ME3: variants seen among roughly 807,000 people sequenced by gnomAD.
The protein encoded by ME3 is NADP-dependent malic enzyme, mitochondrial.
Under a neutral mutation model 68.9 loss-of-function variants are expected in ME3, and 48 were observed. The ratio of observed to expected loss-of-function variants is 0.70; its 90% CI spans 0.55 to 0.89. The LOEUF (loss-of-function observed/expected upper bound fraction) is 0.89. ME3 is among the 40% of genes least tolerant of loss of function. The pLI, the probability that ME3 is intolerant of heterozygous loss-of-function variation, is 0.00. For missense variants in ME3, 675 were observed against 797.4 expected, an observed-to-expected ratio of 0.85 and a Z score of 1.85; for synonymous variants, 320 against 318.8, an observed-to-expected ratio of 1.00 and a Z score of -0.04.
chr11:86,471,981 C>T (rs1480446058), intron 7 of ME3, among the ~76,000 whole-genome samples: 1 of 152,168 alleles, frequency 6.6e-6, no homozygotes, highest in Non-Finnish European at 1.5e-5. Context: ...TGGGAAGCCT[C>T]AAAGAGGGCA....
At chr11:86,608,887 A>C (rs1161771411) in intron 2 of ME3, among the ~76,000 whole-genome samples, 1 of 152,200 alleles carries the variant, frequency 6.6e-6, no homozygotes, top group Non-Finnish European at 1.5e-5. Context: ...CTTCCCAGAT[A>C]TACTTACTTC....
At chr11:86,634,464 A>G (rs984143991) in intron 2 of ME3, among the ~76,000 whole-genome samples, 1 of 152,206 alleles carries the variant, frequency 6.6e-6, no homozygotes, top group Non-Finnish European at 1.5e-5. Flanking sequence ...TAATCAGATC[A>G]TGAGACTGTC....
At chr11:86,499,328 C>T (rs746024604) in intron 5 of ME3, among the ~76,000 whole-genome samples, 2 of 152,126 alleles carry the variant, frequency 1.3e-5, no homozygotes, top group Non-Finnish European at 1.5e-5. Flanking sequence ...CTCAGGGTAA[C>T]GGTGAAGTTG....
chr11:86,647,608 A>G (rs1230375125), intron 2 of ME3, among the ~76,000 whole-genome samples: 5 of 152,236 alleles, frequency 3.3e-5, no homozygotes, highest in African/African-American at 4.8e-5. Context: ...TTGCAATACT[A>G]GTCTCTGATA....
At chr11:86,623,241 T>C (rs184549691) in intron 2 of ME3, among the ~76,000 whole-genome samples, 99 of 152,242 alleles carry the variant, frequency 6.5e-4, no homozygotes, top group Non-Finnish European at 1.2e-3. Flanking sequence ...ATTGTCACTC[T>C]CCTCTTGAGC....
intron 2 of ME3, among the ~76,000 whole-genome samples, chr11:86,603,053 C>G (rs1960978344): frequency 6.6e-6 from 1 of 152,178 alleles, no homozygotes; most frequent in Non-Finnish European, 1.5e-5. Flanking sequence ...GACTTCATGT[C>G]TAAAACACCA....
chr11:86,460,515 G>A (rs1594046755), intron 8 of ME3, among the ~76,000 whole-genome samples: 1 of 152,216 alleles, frequency 6.6e-6, no homozygotes, highest in Non-Finnish European at 1.5e-5. Flanking sequence ...GTGAGGCTAG[G>A]CTGGTGTTCA....
At position 86,586,713 on chromosome 11, in the gene ME3, G is replaced by GT. The variant is rs1303367343; in HGVS notation, c.184-26891dup. On this transcript the variant is annotated intron_variant, in intron 2 of 14. Coordinates refer to ENST00000543262, the Ensembl canonical transcript of ME3. Reference sequence around the variant, plus strand: ...AACAGATTTTGTTGTGGTGGTAGCTGTTTTTTTAAATAAAAGGATGGGGGA... The same window carrying GT: ...AACAGATTTTGTTGTGGTGGTAGCTGTTTTTTTTAAATAAAAGGATGGGGGA... 1.2e-4 allele frequency among the ~76,000 whole-genome samples: 18 copies of GT among 152,214 alleles called. No individual in the cohort carries two copies. In the East Asian group the frequency reaches 1.7e-3, roughly 15 times the overall value.
intron 2 of ME3, among the ~76,000 whole-genome samples, chr11:86,657,049 A>C (rs977929750): frequency 2.0e-5 from 3 of 152,206 alleles, no homozygotes; most frequent in Non-Finnish European, 4.4e-5. Flanking sequence ...CCATTGTGGA[A>C]GACAGTGTGG....
At chr11:86,472,217 GGAGGCT>G (rs548412287) in intron 7 of ME3, among the ~76,000 whole-genome samples, 1 of 152,330 alleles carries the variant, frequency 6.6e-6, no homozygotes, top group East Asian at 1.9e-4. Flanking sequence ...TCTTGCCAGA[GGAGGCT>G]GAAGATGGGG....
intron 7 of ME3, among the ~76,000 whole-genome samples, chr11:86,473,180 C>T (rs1013214935): frequency 1.1e-4 from 16 of 139,856 alleles, no homozygotes; most frequent in Admixed American, 5.8e-4. Context: ...CCAAGGATAG[C>T]GAGCAGGTTG....
intron 2 of ME3, among the ~76,000 whole-genome samples, chr11:86,577,636 A>G (rs1594521602): frequency 6.6e-6 from 1 of 152,226 alleles, no homozygotes; most frequent in East Asian, 1.9e-4. Flanking sequence ...AGGAATCATA[A>G]CTTTTTAAAA....
chr11:86,650,611 A>T (rs1945339030), intron 2 of ME3, among the ~76,000 whole-genome samples: 1 of 152,214 alleles, frequency 6.6e-6, no homozygotes, highest in Non-Finnish European at 1.5e-5. Flanking sequence ...CAAATTTACA[A>T]TGGGAAGTCA....
At chr11:86,478,776 G>A (rs1007861701) in intron 7 of ME3, among the ~76,000 whole-genome samples, 1 of 152,206 alleles carries the variant, frequency 6.6e-6, no homozygotes, top group African/African-American at 2.4e-5. Flanking sequence ...TATGGTTGGT[G>A]GAAAGTATTT....
intron 2 of ME3, among the ~76,000 whole-genome samples, chr11:86,587,592 C>A (rs558709191): frequency 6.6e-6 from 1 of 152,256 alleles, no homozygotes; most frequent in African/African-American, 2.4e-5. Flanking sequence ...TACTGTAGCC[C>A]ACACCTTCCT....
At chr11:86,504,000 CCCT>C (rs1357577917) in intron 5 of ME3, among the ~76,000 whole-genome samples, 5 of 152,234 alleles carry the variant, frequency 3.3e-5, no homozygotes, top group Admixed American at 6.5e-5. Flanking sequence ...CTGGCCCGCC[CCCT>C]CCTTCCTGAA....
chr11:86,450,725 A>G (rs1949580606), intron 8 of ME3, among the ~76,000 whole-genome samples: 1 of 152,238 alleles, frequency 6.6e-6, no homozygotes, highest in African/African-American at 2.4e-5. Context: ...CATGAGCCTC[A>G]TAGAATTATA....
chr11:86,573,449 A>C (rs975835862), intron 2 of ME3, among the ~76,000 whole-genome samples: 9 of 143,252 alleles, frequency 6.3e-5, no homozygotes, highest in African/African-American at 2.3e-4. Flanking sequence ...TTTGGTATAT[A>C]TGAATGCTTG....
chr11:86,481,187 G>A (rs914382497), intron 7 of ME3, among the ~76,000 whole-genome samples: 2 of 148,596 alleles, frequency 1.3e-5, no homozygotes, highest in East Asian at 2.0e-4. Context: ...CAATAAAAGC[G>A]AGTGCCACCA....
Sources: allele counts gnomAD v4.1 joint callset (sites outside exome capture counted in the v4.1 genomes callset), GRCh38; gene constraint gnomAD v4.1.1; transcripts MANE v1.5; gene names NCBI Gene and HGNC (gene_info 2026-07-23, HGNC 2026-07-21).